TOGARAM2: variants seen among roughly 807,000 people sequenced by gnomAD.
TOGARAM2 encodes the protein TOG array regulator of axonemal microtubules 2.
In TOGARAM2, 85 loss-of-function variants were observed where a neutral mutation model predicts 93.3. The ratio of observed to expected loss-of-function variants is 0.91; its 90% CI spans 0.76 to 1.09. The LOEUF (loss-of-function observed/expected upper bound fraction) is 1.09. Ranked by LOEUF, TOGARAM2 falls within the 50% of genes least tolerant of loss-of-function variation. TOGARAM2 has a pLI of 0.00. For missense variants in TOGARAM2, 1,277 were observed against 1,334.5 expected, an observed-to-expected ratio of 0.96 and a Z score of 0.67; for synonymous variants, 593 against 552.8, an observed-to-expected ratio of 1.07 and a Z score of -1.02.
At chr2:29,017,363 T>G in intron 9 of TOGARAM2, 59 bp downstream of exon 9, 1 of 1,439,430 alleles carries the variant, frequency 6.9e-7, no homozygotes, top group Non-Finnish European at 9.2e-7. Context: ...CACTCTCTCA[T>G]AGCCTGCTGA....
chr2:29,036,443 T>A, intron 17 of TOGARAM2, 98 bp from the exon 18 acceptor site: 1 of 1,064,828 alleles, frequency 9.4e-7, no homozygotes, highest in Admixed American at 2.0e-5. Flanking sequence ...TCTGCTGAGG[T>A]CGCTCAGTTG....
At chr2:29,005,486 CATGTGT>C (rs879682574) in intron 6 of TOGARAM2, among the ~76,000 whole-genome samples, 57,679 of 110,216 alleles carry the variant, frequency 0.52, 14,228 homozygotes, top group Non-Finnish European at 0.6. Context: ...TGCATGTGTG[CATGTGT>C]GTGAGTGCAT....
chr2:28,965,146 C>G (rs183279565), intron 1 of TOGARAM2, among the ~76,000 whole-genome samples: 1 of 152,158 alleles, frequency 6.6e-6, no homozygotes, highest in Non-Finnish European at 1.5e-5. Flanking sequence ...ACCTCACCAG[C>G]GTCTGTTGTT....
At chr2:28,989,464 C>T (rs1672615508) in intron 1 of TOGARAM2, among the ~76,000 whole-genome samples, 1 of 151,916 alleles carries the variant, frequency 6.6e-6, no homozygotes, top group African/African-American at 2.4e-5. Flanking sequence ...GTGGCACAAT[C>T]TCAGCTCACT....
intron 13 of TOGARAM2, 147 bp downstream of exon 13, chr2:29,024,521 T>G: frequency 1.3e-6 from 1 of 750,604 alleles, no homozygotes; most frequent in East Asian, 2.7e-5. Flanking sequence ...TCCCTTGAGA[T>G]GCTAGAGGAC....
At chr2:28,987,584 C>T (rs147377385) in intron 1 of TOGARAM2, among the ~76,000 whole-genome samples, 355 of 152,296 alleles carry the variant, frequency 2.3e-3, no homozygotes, top group African/African-American at 7.5e-3. Context: ...CCACCACACC[C>T]GGCCAATGTG....
At position 28,999,462 on chromosome 2, in the gene TOGARAM2, T is replaced by C. The variant is rs1323135738; in HGVS notation, c.421T>C (p.Ser141Pro). 6.2e-7 allele frequency: 1 copy of C among 1,603,428 alleles called. No individual in the cohort carries two copies. The highest frequency in any genetic ancestry group is 1.1e-5 in the South Asian group (1 of 89,270). Reference protein sequence around the residue: ...RRLSEGLAASSRASLDPGGGP... With the variant: ...RRLSEGLAASPRASLDPGGGP... ...GCTCTCAGAGGGCTTGGCAGCGTCT[T>C]CCCGAGGTGAGCACTGGCCCCTGCC... is the stretch of plus-strand genomic sequence containing the variant. Residue 141 changes from serine to proline, a missense_variant, in exon 4 of 20, where the codon TCC becomes CCC. By Grantham distance (74) the Ser-to-Pro change is moderately conservative. Coordinates refer to ENST00000379558, the MANE Select transcript of TOGARAM2 (RefSeq NM_199280.4).
rs1034261109 is a variant in TOGARAM2, at chr2:29,006,344, G to GTGTA, written c.830+2666_830+2669dup. 1.6e-3 allele frequency among the ~76,000 whole-genome samples: 227 copies of GTGTA among 144,388 alleles called. 1 individual carries two copies. The highest frequency in any genetic ancestry group is 5.8e-3 in the African/African-American group (214 of 37,110). 94.7% of individuals were successfully genotyped at this position (144,388 alleles called of 152,430 possible). ...GGAGTGTGTGCATGTGTGTGTATGT[G>GTGTA]TGTATGTGTGAGTGCATGTGTGTGC... On this transcript the variant is annotated intron_variant, in intron 6 of 19. Transcript: ENST00000379558.
At chr2:29,025,282 G>C (rs1043974396) in intron 13 of TOGARAM2, among the ~76,000 whole-genome samples, 6 of 152,218 alleles carry the variant, frequency 3.9e-5, no homozygotes, top group Non-Finnish European at 8.8e-5. Flanking sequence ...AGGTTGTTAT[G>C]AGAGGTAATT....
chr2:29,008,356 G>A (rs2148314057), intron 6 of TOGARAM2, among the ~76,000 whole-genome samples: 1 of 152,184 alleles, frequency 6.6e-6, no homozygotes, highest in East Asian at 1.9e-4. Flanking sequence ...TCATCACATT[G>A]GTTAGGCTGG....
intron 6 of TOGARAM2, among the ~76,000 whole-genome samples, chr2:29,010,665 C>T (rs1403411390): frequency 2.0e-5 from 3 of 151,854 alleles, no homozygotes; most frequent in Non-Finnish European, 2.9e-5. Flanking sequence ...TGATGTCCAC[C>T]GAGAAGGGAA....
At chr2:28,997,435 G>A (rs943773629) in intron 2 of TOGARAM2, among the ~76,000 whole-genome samples, 29 of 152,168 alleles carry the variant, frequency 1.9e-4, no homozygotes, top group African/African-American at 6.5e-4. Context: ...CCCAGGCCCC[G>A]CACTGTCATT....
At chr2:29,010,030 T>A (rs1161649833) in intron 6 of TOGARAM2, among the ~76,000 whole-genome samples, 4 of 5,868 alleles carry the variant, frequency 6.8e-4, no homozygotes, top group African/African-American at 1.3e-3. Flanking sequence ...TCAGAGCAGG[T>A]GTGTGTGTGT....
chr2:28,993,393 A>G (rs6721987), intron 1 of TOGARAM2, among the ~76,000 whole-genome samples: 62,504 of 151,984 alleles, frequency 0.41, 14,486 homozygotes, highest in Non-Finnish European at 0.53. Flanking sequence ...TTCCTGCTGG[A>G]CTTTGTCTGG....
chr2:28,982,640 T>A (rs1031228655), intron 1 of TOGARAM2, among the ~76,000 whole-genome samples: 6 of 152,178 alleles, frequency 3.9e-5, no homozygotes, highest in Non-Finnish European at 7.4e-5. Context: ...GATGTCAACC[T>A]GAGCTCTGGA....
In TOGARAM2 at chr2:29,024,008, C is replaced by T. The variant is rs1284991240; in HGVS notation, c.1618-131C>T. On this transcript the variant is annotated intron_variant, in intron 12 of 19. Coordinates refer to ENST00000379558, the MANE Select transcript of TOGARAM2 (RefSeq NM_199280.4). The stretch of plus-strand genomic sequence containing the variant: ...AGAGTGGCTGCAGGGTTTTTGTTTC[C>T]AGCGTGGCAAGGCCTAGGTCAGGGG... 6.6e-5 allele frequency: 46 copies of T among 701,728 alleles called. 2 individuals are homozygous for T. The South Asian group carries it at 8.0e-4, about 12-fold the overall frequency. 43.5% of individuals were successfully genotyped at this position (701,728 alleles called of 1,614,324 possible). A position where few individuals can be genotyped will look rare whatever the true frequency, so the allele number is the denominator to read the frequency against.
At chr2:28,983,196 A>ATT (rs1672296831) in intron 1 of TOGARAM2, among the ~76,000 whole-genome samples, 2 of 48,166 alleles carry the variant, frequency 4.2e-5, no homozygotes, top group African/African-American at 1.3e-4. Context: ...ATATATATAT[A>ATT]TATTTTTTTT....
chr2:29,032,806 G>T, intron 14 of TOGARAM2, 128 bp from the exon 15 acceptor site: 1 of 683,976 alleles, frequency 1.5e-6, no homozygotes, highest in East Asian at 2.7e-5. Flanking sequence ...ACTGGGTAGG[G>T]ATTGCTTTTG....
At chr2:28,995,497 C>A (rs1441751558) in intron 2 of TOGARAM2, among the ~76,000 whole-genome samples, 4 of 152,198 alleles carry the variant, frequency 2.6e-5, no homozygotes, top group African/African-American at 9.7e-5. Context: ...GGAGACAGCG[C>A]ATGATGCACA....
Sources: gnomAD v4.1 joint callset for allele counts (sites outside exome capture counted in the v4.1 genomes callset) on GRCh38, gnomAD v4.1.1 for gene constraint, MANE v1.5 for transcripts, NCBI Gene and HGNC (gene_info 2026-07-23, HGNC 2026-07-21) for gene names.